Variants in FARS2 observed in about 807,000 individuals in gnomAD.
FARS2 encodes the protein phenylalanine--tRNA ligase, mitochondrial.
Under a neutral mutation model 46.4 loss-of-function variants are expected in FARS2, and 40 were observed. The observed-to-expected ratio is 0.86, with a 90% CI of 0.67 to 1.12. FARS2 has a LOEUF of 1.12. Ranked by LOEUF, FARS2 falls within the 50% of genes most tolerant of loss-of-function variation. The pLI is 0.00. For missense variants in FARS2, 513 were observed against 567.9 expected (o/e 0.90, Z 0.98); for synonymous variants, 234 against 214.9 (o/e 1.09, Z -0.78).
intron 1 of FARS2, among the ~76,000 whole-genome samples, chr6:5,304,643 G>A (rs1167935998): frequency 6.6e-6 from 1 of 151,826 alleles, no homozygotes; most frequent in East Asian, 1.9e-4. Context: ...TTATGTTTGT[G>A]TTTGTGTTTG....
intron 1 of FARS2, among the ~76,000 whole-genome samples, chr6:5,315,291 TC>T (rs1353589497): frequency 1.1e-4 from 16 of 152,324 alleles, no homozygotes; most frequent in Non-Finnish European, 1.5e-4. Flanking sequence ...GGAGTCTTCT[TC>T]CTTTATGTCT....
At chr6:5,310,595 GA>G (rs560360493) in intron 1 of FARS2, among the ~76,000 whole-genome samples, 1 of 151,708 alleles carries the variant, frequency 6.6e-6, no homozygotes. Context: ...GGTAGTTTAA[GA>G]AAAAAAATAC....
At chr6:5,406,840 C>T (rs536152770) in intron 3 of FARS2, among the ~76,000 whole-genome samples, 7 of 151,324 alleles carry the variant, frequency 4.6e-5, no homozygotes, top group African/African-American at 1.5e-4. Context: ...TGCACCATCT[C>T]GATTCCCAAC....
chr6:5,456,730 C>CA (rs11393453), intron 4 of FARS2, among the ~76,000 whole-genome samples: 10,288 of 69,770 alleles, frequency 0.15, 1,050 homozygotes, highest in African/African-American at 0.26. Context: ...GACTCCATCT[C>CA]AAAAAAAAAA....
chr6:5,404,863 G>A (rs548855933), intron 3 of FARS2, among the ~76,000 whole-genome samples, 162 bp downstream of exon 3: 14 of 149,468 alleles, frequency 9.4e-5, no homozygotes, highest in South Asian at 4.2e-4. Flanking sequence ...ATAGTGGTGC[G>A]ATCTCGGCTC....
At chr6:5,594,809 G>A (rs1124339) in intron 5 of FARS2, among the ~76,000 whole-genome samples, 1 of 152,034 alleles carries the variant, frequency 6.6e-6, no homozygotes, top group Admixed American at 6.5e-5. Context: ...CTGAGGAGGG[G>A]TTCGATGAGG....
At chr6:5,306,403 A>G (rs780265166) in intron 1 of FARS2, among the ~76,000 whole-genome samples, 1 of 152,196 alleles carries the variant, frequency 6.6e-6, no homozygotes, top group African/African-American at 2.4e-5. Context: ...TGGGAATTGA[A>G]TGATTTGTAG....
At chr6:5,456,247 T>G (rs1764852312) in intron 4 of FARS2, among the ~76,000 whole-genome samples, 1 of 151,750 alleles carries the variant, frequency 6.6e-6, no homozygotes, top group African/African-American at 2.4e-5. Context: ...TAAACAAATA[T>G]TTATTGTATG....
intron 1 of FARS2, among the ~76,000 whole-genome samples, chr6:5,366,585 T>C (rs919962340): frequency 6.6e-6 from 1 of 151,914 alleles, no homozygotes; most frequent in Admixed American, 6.6e-5. Flanking sequence ...ATCGGCAAGC[T>C]GGGGGTTGCG....
chr6:5,269,533 C>T (rs1221974901), intron 1 of FARS2, among the ~76,000 whole-genome samples: 1 of 150,374 alleles, frequency 6.7e-6, no homozygotes, highest in Non-Finnish European at 1.5e-5. Context: ...TTAGCAGTAT[C>T]TCATTTTAGT....
At position 5,359,158 on chromosome 6, in the gene FARS2, G is replaced by T. The variant is rs200467153; in HGVS notation, c.-21-9392G>T. On this transcript the variant is annotated intron_variant, in intron 1 of 6. Coordinates refer to ENST00000274680, the MANE Select transcript of FARS2 (RefSeq NM_006567.5). ...GGGTTCAAGCTATTCTCCCGCCTCA[G>T]CCTCCCCAGTAGCTGGAATTACAGG... 8.2e-5 allele frequency among the ~76,000 whole-genome samples: 12 copies of T among 145,856 alleles called. 1 individual carries two copies. In the East Asian group the frequency reaches 2.2e-3, roughly 26 times the overall value.
At chr6:5,679,773 G>T (rs6918675) in intron 6 of FARS2, among the ~76,000 whole-genome samples, 6 of 150,984 alleles carry the variant, frequency 4.0e-5, no homozygotes, top group Non-Finnish European at 8.8e-5. Context: ...TCCTTTCCTG[G>T]TTTTTCCTGA....
At chr6:5,510,550 A>G (rs1338909923) in intron 4 of FARS2, among the ~76,000 whole-genome samples, 1 of 152,220 alleles carries the variant, frequency 6.6e-6, no homozygotes, top group African/African-American at 2.4e-5. Context: ...CGGTGGGCAC[A>G]CGGTGCCTTT....
At chr6:5,337,337 C>T (rs1258181615) in intron 1 of FARS2, among the ~76,000 whole-genome samples, 2 of 152,080 alleles carry the variant, frequency 1.3e-5, no homozygotes, top group African/African-American at 2.4e-5. Flanking sequence ...ATCTTTCAAA[C>T]GAACTTGGGA....
At chr6:5,646,575 C>T (rs1393096106) in intron 6 of FARS2, among the ~76,000 whole-genome samples, 1 of 152,124 alleles carries the variant, frequency 6.6e-6, no homozygotes, top group Non-Finnish European at 1.5e-5. Flanking sequence ...GCTATAACTA[C>T]AGTTGGACTT....
intron 4 of FARS2, among the ~76,000 whole-genome samples, chr6:5,532,830 T>A (rs980103517): frequency 3.3e-5 from 5 of 151,568 alleles, no homozygotes; most frequent in Non-Finnish European, 7.4e-5. Context: ...TGCTAGGTTG[T>A]TTTAGTGTTC....
At chr6:5,533,069 G>A (rs554700530) in intron 4 of FARS2, among the ~76,000 whole-genome samples, 2 of 152,202 alleles carry the variant, frequency 1.3e-5, no homozygotes, top group Non-Finnish European at 2.9e-5. Flanking sequence ...CATTGGGGAG[G>A]AAAATAAAAT....
intron 5 of FARS2, among the ~76,000 whole-genome samples, chr6:5,565,699 CG>C (rs1424226202): frequency 6.6e-6 from 1 of 152,124 alleles, no homozygotes; most frequent in Admixed American, 6.5e-5. Context: ...GACATCATTT[CG>C]GCAATCTCAT....
chr6:5,258,017 A>T (rs1363129440), upstream of FARS2, among the ~76,000 whole-genome samples: 1 of 152,172 alleles, frequency 6.6e-6, no homozygotes, highest in Non-Finnish European at 1.5e-5. Flanking sequence ...ATTGAGCTCA[A>T]TCTTGAAGGA....
Sources: allele counts gnomAD v4.1 joint callset (sites outside exome capture counted in the v4.1 genomes callset), GRCh38; gene constraint gnomAD v4.1.1; transcripts MANE v1.5; gene names NCBI Gene and HGNC (gene_info 2026-07-23, HGNC 2026-07-21).